The following C21orf91 variants were observed in gnomAD, a reference collection of about 807,000 sequenced individuals.
The protein encoded by C21orf91 is protein EURL homolog.
C21orf91 carries 26 observed loss-of-function variants against 32.9 expected under a neutral mutation model. The observed-to-expected ratio is 0.79, with a 90% CI of 0.58 to 1.10. The LOEUF is 1.10. Ranked by LOEUF, C21orf91 falls within the 50% of genes least tolerant of loss-of-function variation. The probability of loss-of-function intolerance (pLI) is 0.00; values close to 1 mark genes in which losing one functional copy is unlikely to be tolerated. For missense variants in C21orf91, 310 were observed against 341.3 expected (o/e 0.91, Z 0.72); for synonymous variants, 126 against 120.4 (o/e 1.05, Z -0.31).
At chr21:17,793,771 T>C (rs1370928977) in intron 4 of C21orf91, among the ~76,000 whole-genome samples, 190 bp from the exon 5 acceptor site, 2 of 152,210 alleles carry the variant, frequency 1.3e-5, no homozygotes, top group African/African-American at 2.4e-5. Context: ...CTGTATACTT[T>C]ACATAGCCAA....
At chr21:17,811,901 C>G (rs558405196) in intron 2 of C21orf91, among the ~76,000 whole-genome samples, 8 of 152,186 alleles carry the variant, frequency 5.3e-5, no homozygotes, top group African/African-American at 1.9e-4. Context: ...TTATCAATGA[C>G]TTAAAAAGCA....
intron 4 of C21orf91, among the ~76,000 whole-genome samples, chr21:17,794,796 G>A (rs1009652222): frequency 6.6e-6 from 1 of 152,144 alleles, no homozygotes; most frequent in Admixed American, 6.5e-5. Flanking sequence ...GCTGGGCGCA[G>A]TGGCTCACAC....
At chr21:17,813,510 GAACT>G (rs1162898339) in intron 2 of C21orf91, among the ~76,000 whole-genome samples, 6 of 152,070 alleles carry the variant, frequency 3.9e-5, no homozygotes, top group African/African-American at 1.4e-4. Flanking sequence ...GTTCTAGAAA[GAACT>G]AACTGAAAGT....
intron 2 of C21orf91, among the ~76,000 whole-genome samples, chr21:17,799,779 C>T (rs2062546467): frequency 6.6e-6 from 1 of 152,126 alleles, no homozygotes; most frequent in South Asian, 2.1e-4. Context: ...CTATCTTACT[C>T]ATATATTCTC....
chr21:17,818,065 A>G, intron 2 of C21orf91, 127 bp downstream of exon 2: 1 of 554,468 alleles, frequency 1.8e-6, no homozygotes, highest in South Asian at 4.4e-5. Flanking sequence ...TCTTTAACAA[A>G]TCTCTACACT....
rs569758576 is a variant in C21orf91, at chr21:17,814,653, G to T, written c.127+3539C>A. Among the ~76,000 whole-genome samples, 25 of 152,208 alleles carry T rather than the reference G, an allele frequency of 1.6e-4. 2 individuals carry two copies. In the South Asian group the frequency reaches 5.2e-3, roughly 32 times the overall value. ...CTAGAGTAGGAGGAAGAGAGTGAGG[G>T]GGGGAGGTGCTACACACTTTTAAAC... is the stretch of plus-strand genomic sequence containing the variant. On this transcript the variant is annotated intron_variant, in intron 2 of 4. Coordinates refer to ENST00000284881, the MANE Select transcript of C21orf91 (RefSeq NM_001100420.2).
intron 2 of C21orf91, among the ~76,000 whole-genome samples, chr21:17,797,670 C>T (rs377595511): frequency 6.7e-4 from 101 of 150,824 alleles, no homozygotes; most frequent in South Asian, 5.9e-3. Flanking sequence ...AAAATCAAAG[C>T]ATCTAACATT....
chr21:17,811,812 ATTC>A (rs1275691982), intron 2 of C21orf91, among the ~76,000 whole-genome samples: 5 of 152,174 alleles, frequency 3.3e-5, no homozygotes, highest in African/African-American at 1.2e-4. Context: ...TAATTATGAT[ATTC>A]TTATTAACAG....
intron 2 of C21orf91, among the ~76,000 whole-genome samples, chr21:17,801,529 T>C (rs868550087): frequency 2.6e-5 from 4 of 151,964 alleles, no homozygotes; most frequent in African/African-American, 7.3e-5. Context: ...CTCGGCCTCC[T>C]AAAGTGCTGG....
intron 2 of C21orf91, chr21:17,808,941 T>G (rs532564615): frequency 5.9e-5 from 9 of 152,246 alleles, no homozygotes; most frequent in African/African-American, 2.2e-4. Flanking sequence ...GCAGTTCTCA[T>G]GATAGTGACT....
In C21orf91 at chr21:17,796,599, T is replaced by C. The variant is rs550131947; in HGVS notation, c.647A>G (p.His216Arg). The change falls in exon 3 of 5, where the codon CAT becomes CGT. Residue 216 changes from histidine to arginine, a missense_variant. By Grantham distance (29) the His-to-Arg change is conservative. Coordinates refer to ENST00000284881, the MANE Select transcript of C21orf91 (RefSeq NM_001100420.2). ...TTACTTACATTCCTCTCTGCTGTAA[T>C]GTGGATGCTGGGTCTGGACATTAGC... ...PEANVQTQHP[H>R]YSREELNSMT... 1.9e-6 allele frequency: 3 copies of C among 1,612,330 alleles called. No homozygotes were observed. In the African/African-American group the frequency reaches 4.0e-5, roughly 22 times the overall value.
Position 17,796,831 on chromosome 21 carries a change from C to A in C21orf91, c.415G>T (p.Val139Leu). Residue 139 changes from valine (V) to leucine (L), a missense_variant, in exon 3 of 5, where the codon GTA (valine) becomes TTA (leucine). By Grantham distance (32) the Val-to-Leu change is conservative. Coordinates refer to ENST00000284881, the MANE Select transcript of C21orf91 (RefSeq NM_001100420.2). ...EKLLPQFDSQ[V>L]PKYSAKWIDG... ...ATCCATTTTGCAGAATATTTTGGTA[C>A]TTGGGAGTCAAACTGTGGGAGTAAT... is the stretch of plus-strand genomic sequence containing the variant. 6.2e-7 allele frequency: 1 copy of A among 1,613,962 alleles called. No homozygotes were observed. Among genetic ancestry groups the A allele is most frequent in the South Asian group, 1.1e-5 (1 of 91,082 alleles).
intron 2 of C21orf91, among the ~76,000 whole-genome samples, chr21:17,808,776 T>C (rs1379343460): frequency 6.6e-6 from 1 of 152,162 alleles, no homozygotes; most frequent in Non-Finnish European, 1.5e-5. Context: ...TATTTTGCAA[T>C]GTGAGGAGGA....
At chr21:17,797,623 C>G (rs548948846) in intron 2 of C21orf91, among the ~76,000 whole-genome samples, 3 of 147,172 alleles carry the variant, frequency 2.0e-5, no homozygotes, top group Admixed American at 2.0e-4. Flanking sequence ...AAATAAAAGT[C>G]AAAAATTCAA....
At chr21:17,804,102 C>A (rs767632397) in intron 2 of C21orf91, among the ~76,000 whole-genome samples, 2 of 152,186 alleles carry the variant, frequency 1.3e-5, no homozygotes, top group African/African-American at 2.4e-5. Flanking sequence ...AGTGTAAATA[C>A]TACTTGCCCC....
intron 2 of C21orf91, among the ~76,000 whole-genome samples, chr21:17,813,115 T>C (rs1163297105): frequency 6.6e-6 from 1 of 152,250 alleles, no homozygotes; most frequent in Non-Finnish European, 1.5e-5. Flanking sequence ...TAATACATGA[T>C]GTTTGCCATT....
chr21:17,801,869 A>G (rs2062564110), intron 2 of C21orf91, among the ~76,000 whole-genome samples: 1 of 151,856 alleles, frequency 6.6e-6, no homozygotes, highest in South Asian at 2.1e-4. Flanking sequence ...TCTTCTCACT[A>G]GAGGCTATTT....
At chr21:17,795,067 C>T (rs2146245420) in intron 4 of C21orf91, 141 bp downstream of exon 4, 6 of 576,052 alleles carry the variant, frequency 1.0e-5, no homozygotes, top group Admixed American at 8.4e-5. Flanking sequence ...CTTTCTTATT[C>T]TTTTTGCTCT....
intron 2 of C21orf91, among the ~76,000 whole-genome samples, chr21:17,813,672 T>A (rs1431246820): frequency 6.6e-6 from 1 of 152,250 alleles, no homozygotes; most frequent in Non-Finnish European, 1.5e-5. Flanking sequence ...AATTTCAGAT[T>A]TTGGAATATT....
Sources: allele counts gnomAD v4.1 joint callset (sites outside exome capture counted in the v4.1 genomes callset), GRCh38; gene constraint gnomAD v4.1.1; transcripts MANE v1.5; gene names NCBI Gene and HGNC (gene_info 2026-07-23, HGNC 2026-07-21).